The following PCCB variants were observed in gnomAD, a reference collection of about 807,000 sequenced individuals.
PCCB encodes propionyl-CoA carboxylase beta chain, mitochondrial.
PCCB carries 43 observed loss-of-function variants against 60.7 expected under a neutral mutation model. The observed-to-expected ratio is 0.71, with a 90% CI of 0.55 to 0.91. The LOEUF (loss-of-function observed/expected upper bound fraction) is 0.91, where lower values mean the gene tolerates loss of function less well. Ranked by LOEUF, PCCB falls within the 40% of genes least tolerant of loss-of-function variation. The probability of loss-of-function intolerance (pLI) is 0.00; values close to 1 mark genes in which losing one functional copy is unlikely to be tolerated. For missense variants in PCCB, 766 were observed against 702.8 expected (o/e 1.09, Z -1.02); for synonymous variants, 276 against 255.9 (o/e 1.08, Z -0.75).
chr3:136,251,149 G>T (rs1289968688), intron 1 of PCCB: 1 of 450,300 alleles, frequency 2.2e-6, no homozygotes, highest in Non-Finnish European at 4.5e-6. Context: ...CGTGTCGGAA[G>T]CAGGTGGCCT....
chr3:136,262,860 C>A (rs1423184754), intron 5 of PCCB, among the ~76,000 whole-genome samples: 1 of 152,056 alleles, frequency 6.6e-6, no homozygotes, highest in Non-Finnish European at 1.5e-5. Flanking sequence ...AAAGAGCGGC[C>A]CTCAGAGACG....
intron 3 of PCCB, 127 bp from the exon 4 acceptor site, chr3:136,260,352 A>C: frequency 2.6e-6 from 2 of 772,592 alleles, no homozygotes; most frequent in Non-Finnish European, 4.5e-6. Flanking sequence ...TGTTGGGATT[A>C]CAGGCATGAG....
intron 5 of PCCB, among the ~76,000 whole-genome samples, chr3:136,262,486 AAAG>A (rs1268971570): frequency 6.6e-6 from 1 of 152,236 alleles, no homozygotes; most frequent in African/African-American, 2.4e-5. Context: ...GCCACAGTGC[AAAG>A]AAGAATGAAA....
chr3:136,327,133 A>G (rs775487236), intron 11 of PCCB, 22 bp from the exon 12 acceptor site: 2 of 1,606,724 alleles, frequency 1.2e-6, no homozygotes, highest in Admixed American at 1.7e-5. Flanking sequence ...GTGGGTATCT[A>G]GTAACTCTTC....
At chr3:136,293,955 C>T (rs1390933999) in intron 7 of PCCB, 91 bp downstream of exon 7, 7 of 785,556 alleles carry the variant, frequency 8.9e-6, no homozygotes, top group South Asian at 2.7e-5. Flanking sequence ...AGAAATATTA[C>T]TTAATTGGCA....
intron 3 of PCCB, chr3:136,260,165 C>T (rs1941781459): frequency 9.3e-6 from 4 of 431,068 alleles, no homozygotes; most frequent in Non-Finnish European, 1.7e-5. Flanking sequence ...CCTCTGTCTC[C>T]AGGGCTCAAG....
At chr3:136,259,085 G>A (rs1398690275) in intron 3 of PCCB, 4 of 1,248,908 alleles carry the variant, frequency 3.2e-6, no homozygotes, top group African/African-American at 3.1e-5. Flanking sequence ...CCCACAATAA[G>A]CCCTTTACAT....
chr3:136,286,413 T>G (rs1576328662), intron 6 of PCCB, among the ~76,000 whole-genome samples: 1 of 152,184 alleles, frequency 6.6e-6, no homozygotes, highest in South Asian at 2.1e-4. Context: ...GAATTTCCAT[T>G]TGGACTTTAA....
intron 5 of PCCB, among the ~76,000 whole-genome samples, chr3:136,268,073 T>TGC (rs1456062696): frequency 8.3e-6 from 1 of 120,444 alleles, no homozygotes; most frequent in African/African-American, 3.1e-5. Flanking sequence ...TGCGTGTGTG[T>TGC]GTGTGTGTGT....
At chr3:136,296,941 G>A (rs998795799) in intron 7 of PCCB, among the ~76,000 whole-genome samples, 4 of 152,204 alleles carry the variant, frequency 2.6e-5, no homozygotes, top group Non-Finnish European at 2.9e-5. Flanking sequence ...CTGCCCATAT[G>A]GGGCTTATAT....
chr3:136,264,986 G>C (rs781404989), intron 5 of PCCB, among the ~76,000 whole-genome samples: 12 of 151,866 alleles, frequency 7.9e-5, no homozygotes, highest in Non-Finnish European at 1.6e-4. Flanking sequence ...ACTAGGTCAG[G>C]AGTTCAAGAC....
intron 5 of PCCB, among the ~76,000 whole-genome samples, chr3:136,269,901 A>T (rs1181171189): frequency 1.2e-4 from 18 of 150,612 alleles, no homozygotes; most frequent in Admixed American, 5.9e-4. Flanking sequence ...AAAAAAAAAA[A>T]AAAAAATAAG....
intron 6 of PCCB, among the ~76,000 whole-genome samples, chr3:136,288,399 G>A (rs1458692198): frequency 6.6e-6 from 1 of 152,002 alleles, no homozygotes; most frequent in Non-Finnish European, 1.5e-5. Context: ...AGGCTGGAGT[G>A]CAGTGGTGTG....
chr3:136,267,687 A>G (rs111317017), intron 5 of PCCB, among the ~76,000 whole-genome samples: 16 of 151,974 alleles, frequency 1.1e-4, no homozygotes, highest in Admixed American at 3.3e-4. Context: ...GGGTCCCACT[A>G]TGTTGCCCAG....
At chr3:136,310,079 T>G (rs1014691438) in intron 9 of PCCB, among the ~76,000 whole-genome samples, 2 of 150,872 alleles carry the variant, frequency 1.3e-5, no homozygotes, top group Admixed American at 6.6e-5. Flanking sequence ...AAAAAATAAA[T>G]TAGGGCCAGG....
At chr3:136,272,342 G>A (rs1017323221) in intron 5 of PCCB, among the ~76,000 whole-genome samples, 2 of 151,840 alleles carry the variant, frequency 1.3e-5, no homozygotes, top group African/African-American at 2.4e-5. Flanking sequence ...GTCATTTCCT[G>A]GCTTTGGTAT....
At position 136,326,996 on chromosome 3, in the gene PCCB, C is replaced by T. The variant is rs774355827; in HGVS notation, c.1198+86C>T. On this transcript the variant is annotated intron_variant, in intron 11 of 14. Coordinates refer to ENST00000251654, the MANE Select transcript of PCCB (RefSeq NM_000532.5). ...ATTTGGAGATCTTCTTGCAGAACTC[C>T]CCGAGGACTTGTGACTTCTCCATGT... 3 of 1,136,048 alleles carry T rather than the reference C, an allele frequency of 2.6e-6. No individual in the cohort carries two copies. The South Asian group carries it at 3.7e-5, about 14-fold the overall frequency. 70.4% of individuals were successfully genotyped at this position (1,136,048 alleles called of 1,614,324 possible). A position where few individuals can be genotyped will look rare whatever the true frequency, so the allele number is the denominator to read the frequency against.
intron 5 of PCCB, 67 bp from the exon 6 acceptor site, chr3:136,283,770 T>G: frequency 1.8e-6 from 2 of 1,122,304 alleles, no homozygotes; most frequent in East Asian, 4.7e-5. Flanking sequence ...TTGTTGTCTT[T>G]ATCTTTCCAC....
intron 6 of PCCB, among the ~76,000 whole-genome samples, chr3:136,291,561 T>C (rs908555492): frequency 1.6e-4 from 25 of 152,296 alleles, no homozygotes; most frequent in Middle Eastern, 3.4e-3. Flanking sequence ...GAATGTCATG[T>C]GTCTCAGTCT....
Sources: gnomAD v4.1 joint callset for allele counts (sites outside exome capture counted in the v4.1 genomes callset) on GRCh38, gnomAD v4.1.1 for gene constraint, MANE v1.5 for transcripts, NCBI Gene and HGNC (gene_info 2026-07-23, HGNC 2026-07-21) for gene names.